The following PCMT1 variants were observed in gnomAD, a reference collection of about 807,000 sequenced individuals.
PCMT1 encodes protein-L-isoaspartate (D-aspartate) O-methyltransferase, also known as protein-L-isoaspartate(D-aspartate) O-methyltransferase.
In PCMT1, 9 loss-of-function variants were observed where a neutral mutation model predicts 29.2. The observed-to-expected ratio is 0.31, with a 90% CI of 0.19 to 0.54. The LOEUF is 0.54. PCMT1 is among the 20% of genes least tolerant of loss of function. The pLI is 0.95. For missense variants in PCMT1, 184 were observed against 282.2 expected (o/e 0.65, Z 2.49); for synonymous variants, 98 against 97.5 (o/e 1.00, Z -0.03).
chr6:149,776,974 T>TTATTAA (rs1787597254), intron 3 of PCMT1, among the ~76,000 whole-genome samples: 1 of 152,176 alleles, frequency 6.6e-6, no homozygotes, highest in Admixed American at 6.6e-5. Flanking sequence ...TATACATGAG[T>TTATTAA]GCAGAGTGAC....
At chr6:149,796,237 G>A (rs564980808) in intron 5 of PCMT1, 178 bp from the exon 6 acceptor site, 2 of 431,882 alleles carry the variant, frequency 4.6e-6, no homozygotes, top group East Asian at 7.1e-5. Context: ...TAATGTTTCT[G>A]ACCAAACAAA....
chr6:149,783,593 T>TG (rs759276114), intron 3 of PCMT1, among the ~76,000 whole-genome samples: 51 of 152,308 alleles, frequency 3.3e-4, no homozygotes, highest in Non-Finnish European at 3.5e-4. Flanking sequence ...TAGCAAGACT[T>TG]GCGTGTGTTC....
chr6:149,767,947 C>T (rs1787161591), intron 1 of PCMT1, among the ~76,000 whole-genome samples: 1 of 151,928 alleles, frequency 6.6e-6, no homozygotes, highest in Non-Finnish European at 1.5e-5. Context: ...GTGCGCACCA[C>T]CACACCCGGC....
At chr6:149,750,140 G>A (rs933194911) in intron 1 of PCMT1, 184 bp downstream of exon 1, 223 of 792,744 alleles carry the variant, frequency 2.8e-4, no homozygotes, top group Non-Finnish European at 3.8e-4. Flanking sequence ...CCTGTCACTC[G>A]TCGACGACGT....
chr6:149,778,548 T>G (rs1360625932), intron 3 of PCMT1, among the ~76,000 whole-genome samples: 1 of 151,682 alleles, frequency 6.6e-6, no homozygotes, highest in Non-Finnish European at 1.5e-5. Flanking sequence ...TTAGTTTTTG[T>G]TTTTTTTAAG....
At chr6:149,755,972 A>C (rs1310681388) in intron 1 of PCMT1, among the ~76,000 whole-genome samples, 25 of 152,212 alleles carry the variant, frequency 1.6e-4, no homozygotes, top group Admixed American at 2.6e-4. Flanking sequence ...CATTCCAGGC[A>C]GAAGAAATAG....
intron 1 of PCMT1, among the ~76,000 whole-genome samples, chr6:149,763,010 CTA>C (rs1365419878): frequency 5.8e-5 from 3 of 51,446 alleles, no homozygotes; most frequent in South Asian, 5.7e-4. Flanking sequence ...ATATATATAT[CTA>C]TGATATATAT....
intron 1 of PCMT1, chr6:149,750,227 G>GCCTGCA: frequency 1.8e-6 from 1 of 542,526 alleles, no homozygotes; most frequent in Non-Finnish European, 3.3e-6. Flanking sequence ...CAGGCCCTGG[G>GCCTGCA]GGAGGGAGTG....
chr6:149,804,716 G>C (rs1481551102), intron 7 of PCMT1, among the ~76,000 whole-genome samples: 1 of 151,980 alleles, frequency 6.6e-6, no homozygotes, highest in Non-Finnish European at 1.5e-5. Flanking sequence ...TGGCCAGGCT[G>C]GTCTCGAACT....
At chr6:149,803,582 C>T (rs1460872430) in intron 7 of PCMT1, among the ~76,000 whole-genome samples, 2 of 152,036 alleles carry the variant, frequency 1.3e-5, no homozygotes, top group Non-Finnish European at 2.9e-5. Context: ...GCCATTAGCT[C>T]AAATTACTTG....
chr6:149,762,060 C>G (rs1786763725), intron 1 of PCMT1, among the ~76,000 whole-genome samples: 1 of 151,782 alleles, frequency 6.6e-6, no homozygotes, highest in African/African-American at 2.4e-5. Context: ...TTTAGTTTTC[C>G]TTATATGTAA....
intron 3 of PCMT1, among the ~76,000 whole-genome samples, chr6:149,782,322 A>G (rs1404203249): frequency 1.3e-5 from 2 of 152,160 alleles, no homozygotes; most frequent in East Asian, 3.8e-4. Flanking sequence ...GACAAGCAGA[A>G]AGTGAGGATG....
intron 5 of PCMT1, chr6:149,794,828 C>T (rs954201138): frequency 1.4e-5 from 7 of 488,458 alleles, no homozygotes; most frequent in East Asian, 1.2e-4. Context: ...AAGAGATAGA[C>T]GAAGGTCAAG....
At chr6:149,767,995 T>C (rs946111962) in intron 1 of PCMT1, among the ~76,000 whole-genome samples, 1 of 119,718 alleles carries the variant, frequency 8.4e-6, no homozygotes, top group Non-Finnish European at 1.6e-5. Flanking sequence ...GGTTTCGCCA[T>C]GTTGGCCAGG....
chr6:149,798,029 A>C (rs1788684574), intron 6 of PCMT1: 1 of 152,160 alleles, frequency 6.6e-6, no homozygotes, highest in Admixed American at 6.6e-5. Context: ...TAGATGTGGC[A>C]GGCACTTGTA....
At chr6:149,786,676 G>A (rs537515160) in intron 3 of PCMT1, among the ~76,000 whole-genome samples, 8 of 151,674 alleles carry the variant, frequency 5.3e-5, no homozygotes, top group East Asian at 2.0e-4. Flanking sequence ...CCTCCCAGAC[G>A]GGGTCGCGGC....
At chr6:149,794,079 A>G (rs1788496210) in intron 5 of PCMT1, among the ~76,000 whole-genome samples, 1 of 152,140 alleles carries the variant, frequency 6.6e-6, no homozygotes, top group Admixed American at 6.5e-5. Flanking sequence ...GAAATTCTTA[A>G]TTTTAATGTA....
At position 149,810,600 on chromosome 6, in the gene PCMT1, T is replaced by C. The variant is rs1291816788; in HGVS notation, c.*38-16T>C. Reference sequence around the variant, plus strand: ...TGTAACTCCTACTAATGTATTTCTCTCTTTTTTCCTCACAGGGATGAATTG... The same window carrying C: ...TGTAACTCCTACTAATGTATTTCTCCCTTTTTTCCTCACAGGGATGAATTG... On this transcript the variant is annotated splice_polypyrimidine_tract_variant and intron_variant, in intron 7 of 7. Transcript: ENST00000464889. 26 of 1,545,678 alleles carry C rather than the reference T, an allele frequency of 1.7e-5. No individual in the cohort carries two copies. The highest frequency in any genetic ancestry group is 2.1e-5 in the Non-Finnish European group (24 of 1,143,022).
At chr6:149,768,273 A>T (rs10872651) in intron 1 of PCMT1, among the ~76,000 whole-genome samples, 52,155 of 150,634 alleles carry the variant, frequency 0.35, 10,625 homozygotes, top group East Asian at 0.81. Context: ...AAATTTTTTT[A>T]AAGAAACGGG....
Sources: gnomAD v4.1 joint callset for allele counts (sites outside exome capture counted in the v4.1 genomes callset) on GRCh38, gnomAD v4.1.1 for gene constraint, MANE v1.5 for transcripts, NCBI Gene and HGNC (gene_info 2026-07-23, HGNC 2026-07-21) for gene names.